Variants in STIM2 observed in about 807,000 individuals in gnomAD.
STIM2 encodes stromal interaction molecule 2.
In STIM2, 31 loss-of-function variants were observed where a neutral mutation model predicts 85.8. That is an observed-to-expected ratio of 0.36 (90% CI 0.27 to 0.49). The LOEUF (loss-of-function observed/expected upper bound fraction) is 0.49. Ranked by LOEUF, STIM2 falls within the 20% of genes least tolerant of loss-of-function variation. The pLI, the probability that STIM2 is intolerant of heterozygous loss-of-function variation, is 0.98. For synonymous variants in STIM2, 356 were observed against 331.1 expected (o/e 1.08, Z -0.82); for missense variants, 841 against 927.6 (o/e 0.91, Z 1.21).
intron 3 of STIM2, among the ~76,000 whole-genome samples, chr4:26,988,622 C>A (rs1727662563): frequency 6.6e-6 from 1 of 152,162 alleles, no homozygotes. Context: ...TTGGTTTGAC[C>A]ATTTACGAAT....
At chr4:27,004,389 C>T (rs1390273219) in intron 7 of STIM2, among the ~76,000 whole-genome samples, 7 of 152,102 alleles carry the variant, frequency 4.6e-5, no homozygotes, top group African/African-American at 1.4e-4. Context: ...CGAAATCATA[C>T]GGTATCCGAG....
In STIM2 at chr4:26,908,730, C is replaced by T. The variant is rs28653517; in HGVS notation, c.152-10774C>T. Among the ~76,000 whole-genome samples the T allele has an allele frequency of 5.6e-3, 859 of 152,298 alleles. 7 individuals carry two copies. The highest frequency in any genetic ancestry group is 0.02 in the African/African-American group (829 of 41,558). ...AACTTCTGACCTCAAGTGATCCACC[C>T]GTCTCGGCCTCCCAAGGTGTTGGGA... On this transcript the variant is annotated intron_variant, in intron 1 of 11. Transcript: ENST00000467087.
chr4:26,958,815 A>G (rs1197808269), intron 3 of STIM2, among the ~76,000 whole-genome samples: 3 of 152,322 alleles, frequency 2.0e-5, no homozygotes, highest in African/African-American at 7.2e-5. Context: ...CAACAAACTT[A>G]TTTTATTGAC....
chr4:26,984,880 C>G (rs1048596955), intron 3 of STIM2, among the ~76,000 whole-genome samples: 1 of 152,128 alleles, frequency 6.6e-6, no homozygotes, highest in East Asian at 1.9e-4. Context: ...CCAGCATTTA[C>G]CTAGTGTCTC....
At chr4:26,886,858 T>G (rs150522491) in intron 1 of STIM2, among the ~76,000 whole-genome samples, 304 of 152,314 alleles carry the variant, frequency 2.0e-3, no homozygotes, top group South Asian at 5.4e-3. Flanking sequence ...AATGACACTC[T>G]AGAAGGTCTA....
At position 27,007,590 on chromosome 4, in the gene STIM2, G is replaced by T. The variant is rs755526664; in HGVS notation, c.1039G>T (p.Val347Phe). ...ATTTGAACTGAGAAGCAGTTGGTCTGTTCCAGATGCACTTCAGAAATGGCT... is the reference window on the plus strand; with the variant it reads ...ATTTGAACTGAGAAGCAGTTGGTCTTTTCCAGATGCACTTCAGAAATGGCT... The change falls in exon 8 of 12, where the codon GTT (valine) becomes TTT (phenylalanine). Residue 347 changes from valine to phenylalanine, a missense_variant. Physicochemically the swap from Val to Phe is conservative, Grantham distance 50. Transcript: ENST00000467087. 89 of 1,606,942 alleles carry T rather than the reference G, an allele frequency of 5.5e-5. 1 individual carries two copies. Among genetic ancestry groups the T allele is most frequent in the African/African-American group, 5.4e-5 (4 of 74,654 alleles).
intron 3 of STIM2, among the ~76,000 whole-genome samples, chr4:26,990,094 GAAAA>G (rs529004617): frequency 1.0e-4 from 15 of 150,536 alleles, no homozygotes; most frequent in African/African-American, 3.7e-4. Flanking sequence ...CACAGAAATA[GAAAA>G]AAAAATCCTA....
At chr4:26,878,088 T>C (rs1722876499) in intron 1 of STIM2, among the ~76,000 whole-genome samples, 1 of 152,186 alleles carries the variant, frequency 6.6e-6, no homozygotes. Flanking sequence ...AGATATTCTG[T>C]TATGGCTGCA....
intron 2 of STIM2, among the ~76,000 whole-genome samples, chr4:26,944,510 T>C (rs902692022): frequency 1.3e-5 from 2 of 152,152 alleles, no homozygotes; most frequent in Middle Eastern, 3.2e-3. Flanking sequence ...AGTAAATATT[T>C]TTGTAAATAA....
chr4:26,969,189 T>G (rs1726840726), intron 3 of STIM2, among the ~76,000 whole-genome samples: 1 of 152,242 alleles, frequency 6.6e-6, no homozygotes, highest in Non-Finnish European at 1.5e-5. Flanking sequence ...TTTTAAATCC[T>G]TCTTAGAATT....
Position 26,941,390 on chromosome 4 carries a change from G to A in STIM2, c.283-16222G>A, listed in dbSNP as rs540515793. Among the ~76,000 whole-genome samples the A allele has an allele frequency of 1.6e-4, 25 of 151,992 alleles. No homozygotes were observed. The East Asian group carries it at 3.5e-3, about 21-fold the overall frequency. On this transcript the variant is annotated intron_variant, in intron 2 of 11. Transcript: ENST00000467087. ...GTTGGTTTGTAGTTTAGCTTGACCC[G>A]TATTTCCATTTTCCATCCCTTATCC...
intron 1 of STIM2, among the ~76,000 whole-genome samples, chr4:26,881,937 T>C (rs1177058940): frequency 6.6e-6 from 1 of 152,222 alleles, no homozygotes; most frequent in East Asian, 1.9e-4. Flanking sequence ...GATATGTATA[T>C]TTTACGGTTT....
In STIM2 at chr4:26,948,894, G is replaced by A. The variant is rs138161472; in HGVS notation, c.283-8718G>A. ...TCAGAAACCAAGTCTTTGGTTGTTA[G>A]AAGATTCTTGTTAGCTTCCTTGAGA... On this transcript the variant is annotated intron_variant, in intron 2 of 11. Transcript: ENST00000467087. Among the ~76,000 whole-genome samples, 170 of 152,176 alleles carry A rather than the reference G, an allele frequency of 1.1e-3. 1 individual carries two copies. Among genetic ancestry groups the A allele is most frequent in the African/African-American group, 4.0e-3 (165 of 41,522 alleles).
At chr4:26,966,733 A>G (rs1034786540) in intron 3 of STIM2, among the ~76,000 whole-genome samples, 6 of 152,150 alleles carry the variant, frequency 3.9e-5, no homozygotes, top group African/African-American at 1.4e-4. Flanking sequence ...TTACATATAT[A>G]AATGTATAGC....
intron 11 of STIM2, chr4:27,021,570 G>T (rs1428152187): frequency 2.2e-6 from 1 of 456,614 alleles, no homozygotes; most frequent in Non-Finnish European, 4.4e-6. Flanking sequence ...CAAGGACTTT[G>T]GATCTTACTC....
At chr4:26,904,149 T>C (rs1018489375) in intron 1 of STIM2, among the ~76,000 whole-genome samples, 1 of 136,284 alleles carries the variant, frequency 7.3e-6, no homozygotes, top group African/African-American at 2.7e-5. Context: ...CCTGTGTCCA[T>C]GTGTTCTCAT....
intron 3 of STIM2, among the ~76,000 whole-genome samples, chr4:26,970,975 G>A (rs1335888506): frequency 6.6e-6 from 1 of 152,162 alleles, no homozygotes; most frequent in Non-Finnish European, 1.5e-5. Flanking sequence ...GTTTTAATTT[G>A]CATTTCTCTG....
At chr4:26,945,396 C>T (rs1325556381) in intron 2 of STIM2, among the ~76,000 whole-genome samples, 1 of 152,094 alleles carries the variant, frequency 6.6e-6, no homozygotes, top group African/African-American at 2.4e-5. Flanking sequence ...AATTGTACTG[C>T]AGTGAACATA....
At chr4:26,932,029 G>A (rs1007801704) in intron 2 of STIM2, among the ~76,000 whole-genome samples, 25 of 152,128 alleles carry the variant, frequency 1.6e-4, no homozygotes, top group Admixed American at 1.3e-3. Context: ...TTGTTCCATC[G>A]TATAAGCACT....
Sources: gnomAD v4.1 joint callset for allele counts (sites outside exome capture counted in the v4.1 genomes callset) on GRCh38, gnomAD v4.1.1 for gene constraint, MANE v1.5 for transcripts, NCBI Gene and HGNC (gene_info 2026-07-23, HGNC 2026-07-21) for gene names.